TTC39A: variants seen among roughly 807,000 people sequenced by gnomAD.
TTC39A encodes the protein tetratricopeptide repeat domain 39A.
In TTC39A, 46 loss-of-function variants were observed where a neutral mutation model predicts 82.3. That is an observed-to-expected ratio of 0.56 (90% confidence interval 0.44 to 0.71). The LOEUF (loss-of-function observed/expected upper bound fraction) is 0.71. Ranked by LOEUF, TTC39A falls within the 30% of genes least tolerant of loss-of-function variation. TTC39A has a pLI of 0.00. For synonymous variants in TTC39A, 254 were observed against 275.2 expected, an observed-to-expected ratio of 0.92 and a Z score of 0.76; for missense variants, 543 against 712.9, an observed-to-expected ratio of 0.76 and a Z score of 2.71.
chr1:51,292,165 G>C (rs1644250300), intron 14 of TTC39A, among the ~76,000 whole-genome samples: 1 of 152,170 alleles, frequency 6.6e-6, no homozygotes, highest in Non-Finnish European at 1.5e-5. Flanking sequence ...CTGCATGACA[G>C]AGTGAGACCC....
chr1:51,305,018 T>G, intron 8 of TTC39A, 63 bp downstream of exon 8: 1 of 1,579,538 alleles, frequency 6.3e-7, no homozygotes, highest in Non-Finnish European at 8.7e-7. Flanking sequence ...AGCCCCACCC[T>G]GTGCAGCCCA....
At chr1:51,335,464 G>A (rs1645963028), upstream of TTC39A, 1 of 151,460 alleles carries the variant, frequency 6.6e-6, no homozygotes, top group South Asian at 2.1e-4. Flanking sequence ...AGGAGGCTGA[G>A]GCAGGAGAAT....
At chr1:51,302,238 T>TGGGGGGGGGGGGGGGGGGCGGGGG in intron 11 of TTC39A, 119 bp downstream of exon 11, 1 of 723,732 alleles carries the variant, frequency 1.4e-6, no homozygotes, top group Non-Finnish European at 2.5e-6. Context: ...GGTTCTCTCT[T>TGGGGGGGGGGGGGGGGGGCGGGGG]GGCCCCCCCC....
At chr1:51,328,111 G>C (rs1645780262) in intron 1 of TTC39A, among the ~76,000 whole-genome samples, 1 of 152,182 alleles carries the variant, frequency 6.6e-6, no homozygotes, top group Admixed American at 6.5e-5. Context: ...ACTTCAGGAG[G>C]CCAAGGAAGG....
chr1:51,338,108 G>A (rs1003613859), intron 1 of TTC39A, among the ~76,000 whole-genome samples: 2 of 152,146 alleles, frequency 1.3e-5, no homozygotes, highest in Non-Finnish European at 2.9e-5. Context: ...GGAAAAATAT[G>A]AAAAAAGCAG....
Position 51,302,600 on chromosome 1 carries a change from G to C in TTC39A, c.764-27C>G, listed in dbSNP as rs760904891. 1.1e-5 allele frequency: 17 copies of C among 1,581,216 alleles called. No individual in the cohort carries two copies. In the Admixed American group the frequency reaches 3.1e-4, roughly 29 times the overall value. ...TGGAGGAGATGGTGGGGGAGACACAGAACATGTCACCACCCCTGGCTCCTG... is the reference window on the plus strand; with the variant it reads ...TGGAGGAGATGGTGGGGGAGACACACAACATGTCACCACCCCTGGCTCCTG... On this transcript the variant is annotated intron_variant, in intron 9 of 17. Coordinates refer to ENST00000680483, the MANE Select transcript of TTC39A (RefSeq NM_001297663.2).
In TTC39A at chr1:51,308,976, C is replaced by A. The variant is rs1411036574; in HGVS notation, c.488+285G>T. ...TCCTGTGGCTGTCTCCCTGCCCCCA[C>A]CAGAACACCCTGTGCAGAATCTGTG... On this transcript the variant is annotated intron_variant, in intron 6 of 17. Transcript: ENST00000680483. Among the ~76,000 whole-genome samples, 4 of 152,200 alleles carry A rather than the reference C, an allele frequency of 2.6e-5. No individual in the cohort carries two copies. In the South Asian group the frequency reaches 6.2e-4, roughly 24 times the overall value.
intron 6 of TTC39A, among the ~76,000 whole-genome samples, chr1:51,308,934 G>A (rs1376108767): frequency 1.3e-5 from 2 of 152,204 alleles, no homozygotes; most frequent in African/African-American, 4.8e-5. Flanking sequence ...TTCTGCTGCT[G>A]TTCCCAAAAT....
At position 51,294,371 on chromosome 1, in the gene TTC39A, A is replaced by C; in HGVS notation, c.1266+20T>G. 1 of 1,613,866 alleles carries C rather than the reference A, an allele frequency of 6.2e-7. No homozygotes were observed. Among genetic ancestry groups the C allele is most frequent in the Non-Finnish European group, 8.5e-7 (1 of 1,179,850 alleles). ...AATCCTATACCCGGAGGGCAGCGCCAGTCCAGACCTCCTACCCACCAGAGC... is the reference window on the plus strand; with the variant it reads ...AATCCTATACCCGGAGGGCAGCGCCCGTCCAGACCTCCTACCCACCAGAGC... On this transcript the variant is annotated intron_variant, in intron 14 of 17. Transcript: ENST00000680483. This position sits in a 1 kb window ranked among gnomAD's most constrained non-coding sequence, Gnocchi z 4.3.
intron 12 of TTC39A, chr1:51,300,265 T>G (rs974805936): frequency 6.6e-6 from 1 of 152,166 alleles, no homozygotes; most frequent in African/African-American, 2.4e-5. Context: ...GTGCCAGACA[T>G]GTTGAGAGCT....
At position 51,311,274 on chromosome 1, in the gene TTC39A, C is replaced by A. The variant is rs1645072686; in HGVS notation, c.403G>T (p.Ala135Ser). The change falls in exon 5 of 18, where the codon GCA (alanine) becomes TCA (serine). Residue 135 changes from alanine to serine, a missense_variant. Physicochemically the swap from Ala to Ser is moderately conservative, Grantham distance 99. Transcript: ENST00000680483. ...VCYAECLLQR[A>S]ALTFLQDENM... is the part of the protein sequence containing the mutation. ...CCTACCTGCAGGAAGGTCAGGGCTG[C>A]TCGCTGCAGCAGGCACTCTGCATAG... 2 of 1,586,356 alleles carry A rather than the reference C, an allele frequency of 1.3e-6. No individual in the cohort carries two copies. The highest frequency in any genetic ancestry group is 2.3e-5 in the South Asian group (2 of 86,714).
intron 1 of TTC39A, among the ~76,000 whole-genome samples, chr1:51,340,245 A>G (rs1177805945): frequency 6.6e-6 from 1 of 152,180 alleles, no homozygotes; most frequent in Non-Finnish European, 1.5e-5. Context: ...CTCAGCGACC[A>G]TTCCCCCACC....
Position 51,288,394 on chromosome 1 carries a change from T to C in TTC39A, c.1611-114A>G. 1 of 1,532,718 alleles carries C rather than the reference T, an allele frequency of 6.5e-7. No individual in the cohort carries two copies. The highest frequency in any genetic ancestry group is 8.8e-7 in the Non-Finnish European group (1 of 1,132,548). 94.9% of individuals were successfully genotyped at this position (1,532,718 alleles called of 1,614,324 possible). ...CAAGGAAGGATTGTAGAGAAATTAA[T>C]GTGTCCAGAGAGAGTTGAGCCCTAC... On this transcript the variant is annotated intron_variant, in intron 17 of 17. Transcript: ENST00000680483. This position sits in a 1 kb window ranked among gnomAD's most constrained non-coding sequence, Gnocchi z 4.8.
chr1:51,320,398 TTTTTTCTTTTTC>T (rs1184319072), intron 2 of TTC39A, among the ~76,000 whole-genome samples: 1 of 147,060 alleles, frequency 6.8e-6, no homozygotes, highest in Admixed American at 6.8e-5. Flanking sequence ...TTTCTTTTCT[TTTTTTCTTTTTC>T]TTTTTCTTTT....
chr1:51,317,251 A>C (rs1645319189), intron 2 of TTC39A, among the ~76,000 whole-genome samples: 1 of 152,230 alleles, frequency 6.6e-6, no homozygotes, highest in Admixed American at 6.5e-5. Flanking sequence ...CATCTTCTGA[A>C]GCTTTGGTGG....
Position 51,288,731 on chromosome 1 carries a change from C to T in TTC39A, c.1610+108G>A. The T allele has an allele frequency of 9.9e-7, 1 of 1,008,386 alleles. No individual in the cohort carries two copies. The highest frequency in any genetic ancestry group is 1.5e-6 in the Non-Finnish European group (1 of 670,220). 62.5% of individuals were successfully genotyped at this position (1,008,386 alleles called of 1,614,324 possible). On this transcript the variant is annotated intron_variant, in intron 17 of 17. Coordinates refer to ENST00000680483, the MANE Select transcript of TTC39A (RefSeq NM_001297663.2). The surrounding 1 kb of genome is among the most constrained non-coding windows in gnomAD (Gnocchi z 4.8). ...TCCACCCTCTAGACTGCCAGACTGGCCTTGCTAGCAACTCCACTCACTGCT... is the reference window on the plus strand; with the variant it reads ...TCCACCCTCTAGACTGCCAGACTGGTCTTGCTAGCAACTCCACTCACTGCT...
Position 51,305,959 on chromosome 1 carries a change from T to TGGA in TTC39A, c.588+15_588+17dup. The TGGA allele has an allele frequency of 6.2e-7, 1 of 1,612,172 alleles. No homozygotes were observed. The highest frequency in any genetic ancestry group is 8.5e-7 in the Non-Finnish European group (1 of 1,178,330). ...GAGCTCAAGCCAGGTGCTGTGGAAA[T>TGGA]GGAGGAGGAGCACTCACCAGGTTGA... On this transcript the variant is annotated intron_variant, in intron 7 of 17. Transcript: ENST00000680483.
Position 51,330,132 on chromosome 1 carries a change from G to C in TTC39A, c.41+305C>G. On this transcript the variant is annotated intron_variant, in intron 1 of 17. Transcript: ENST00000680483. This position sits in a 1 kb window ranked among gnomAD's most constrained non-coding sequence, Gnocchi z 4.5. The stretch of plus-strand genomic sequence containing the variant: ...GAGTAACAGGGCCCACCCCACAGGA[G>C]TGAACGCCACGAGGCAGGTGGGGAA... 4.1e-6 allele frequency: 4 copies of C among 985,564 alleles called. No homozygotes were observed. Among genetic ancestry groups the C allele is most frequent in the Non-Finnish European group, 4.8e-6 (4 of 830,024 alleles). The allele number at this position is 985,564 out of a possible 1,614,324, so 61.1% of individuals were successfully genotyped here.
At chr1:51,290,877 T>C (rs1343242419) in intron 14 of TTC39A, among the ~76,000 whole-genome samples, 2 of 152,232 alleles carry the variant, frequency 1.3e-5, no homozygotes, top group African/African-American at 4.8e-5. Flanking sequence ...CGTAATGTGC[T>C]GCTCATAGCT....
Sources: gnomAD v4.1 joint callset for allele counts (sites outside exome capture counted in the v4.1 genomes callset) on GRCh38, gnomAD v4.1.1 for gene constraint, Gnocchi (gnomAD v3.1) non-coding constraint, MANE v1.5 for transcripts, NCBI Gene and HGNC (gene_info 2026-07-23, HGNC 2026-07-21) for gene names.